HSCB: variants seen among roughly 807,000 people sequenced by gnomAD.
HSCB encodes the protein HscB mitochondrial iron-sulfur cluster cochaperone, also known as iron-sulfur cluster co-chaperone protein HscB.
HSCB carries 23 observed loss-of-function variants against 31.3 expected under a neutral mutation model. The observed-to-expected ratio is 0.74, with a 90% CI of 0.53 to 1.04. The LOEUF is 1.04. Ranked by LOEUF, HSCB falls within the 50% of genes least tolerant of loss-of-function variation. The probability of loss-of-function intolerance (pLI) is 0.00; values close to 1 mark genes in which losing one functional copy is unlikely to be tolerated. For synonymous variants in HSCB, 110 were observed against 104.5 expected, an observed-to-expected ratio of 1.05 and a Z score of -0.32; for missense variants, 297 against 288.1, an observed-to-expected ratio of 1.03 and a Z score of -0.22.
chr22:28,744,727 C>A (rs369887813), intron 3 of HSCB, 23 bp downstream of exon 3: 7 of 1,556,124 alleles, frequency 4.5e-6, no homozygotes, highest in Non-Finnish European at 4.4e-6. Context: ...CCCAACACTT[C>A]TGTGTATGAC....
At chr22:28,747,741 T>C (rs2029930382) in intron 4 of HSCB, among the ~76,000 whole-genome samples, 1 of 152,214 alleles carries the variant, frequency 6.6e-6, no homozygotes, top group African/African-American at 2.4e-5. Context: ...ATATTTGTAG[T>C]GTACCTACAA....
intron 5 of HSCB, among the ~76,000 whole-genome samples, 162 bp downstream of exon 5, chr22:28,751,450 T>A (rs537564594): frequency 1.1e-4 from 16 of 152,278 alleles, no homozygotes; most frequent in Non-Finnish European, 7.4e-5. Flanking sequence ...AAAAATGCCT[T>A]TAAGAATCTA....
At chr22:28,748,200 C>A (rs1053801677) in intron 4 of HSCB, among the ~76,000 whole-genome samples, 1 of 152,154 alleles carries the variant, frequency 6.6e-6, no homozygotes, top group African/African-American at 2.4e-5. Context: ...TAATAATAAT[C>A]TGTTCCTCTT....
chr22:28,749,563 T>A (rs1019130814), intron 4 of HSCB, among the ~76,000 whole-genome samples: 22 of 152,308 alleles, frequency 1.4e-4, no homozygotes, highest in African/African-American at 5.1e-4. Flanking sequence ...ACTTTTTGCT[T>A]CCCTCACATC....
At chr22:28,749,278 G>C (rs1019412862) in intron 4 of HSCB, among the ~76,000 whole-genome samples, 1 of 151,990 alleles carries the variant, frequency 6.6e-6, no homozygotes, top group African/African-American at 2.4e-5. Flanking sequence ...ACCACTTCCA[G>C]TTCCTCATCT....
chr22:28,742,077 T>C lies in HSCB; in HGVS notation c.-19T>C, dbSNP rs1004694145. ...GCTTTTCCCCACGAGTGACCACGGC[T>C]AGATAGGCCGCCGGCCAGATGTGGC... On this transcript the variant is annotated 5_prime_UTR_variant, in exon 1 of 6. Transcript: ENST00000216027. 2 of 1,597,622 alleles carry C rather than the reference T, an allele frequency of 1.3e-6. No individual in the cohort carries two copies. The highest frequency in any genetic ancestry group is 2.7e-5 in the African/African-American group (2 of 74,674).
intron 5 of HSCB, among the ~76,000 whole-genome samples, chr22:28,752,137 G>C (rs2030297225): frequency 6.6e-6 from 1 of 151,108 alleles, no homozygotes; most frequent in Non-Finnish European, 1.5e-5. Context: ...GCTATTCTCA[G>C]GCAAATAAAA....
intron 1 of HSCB, 85 bp downstream of exon 1, chr22:28,742,416 G>A: frequency 6.5e-7 from 1 of 1,546,156 alleles, no homozygotes; most frequent in Non-Finnish European, 8.8e-7. Context: ...GATCTGGCTG[G>A]CGGAAGAGAA....
chr22:28,755,930 G>T (rs1300622104), intron 5 of HSCB, among the ~76,000 whole-genome samples: 1 of 152,058 alleles, frequency 6.6e-6, no homozygotes, highest in East Asian at 1.9e-4. Flanking sequence ...TCCCCATGGG[G>T]GCAAAATCAT....
intron 1 of HSCB, 124 bp from the exon 2 acceptor site, chr22:28,743,758 C>G (rs1172331462): frequency 6.6e-6 from 5 of 757,348 alleles, no homozygotes; most frequent in Non-Finnish European, 1.1e-5. Context: ...ATAGGACTTA[C>G]CACTTTTTGA....
chr22:28,757,073 T>C lies in HSCB; in HGVS notation c.617-5T>C. On this transcript the variant is annotated splice_polypyrimidine_tract_variant and splice_region_variant and intron_variant, in intron 5 of 5. Coordinates refer to ENST00000216027, the MANE Select transcript of HSCB (RefSeq NM_172002.5). ...GCCTGACTTCAGTGTCTCTGTCTAT[T>C]TCAGATGACTTTGAAGAAGCCAAGG... 1 of 1,508,544 alleles carries C rather than the reference T, an allele frequency of 6.6e-7. No homozygotes were observed. The highest frequency in any genetic ancestry group is 9.2e-7 in the Non-Finnish European group (1 of 1,084,488). 93.4% of individuals were successfully genotyped at this position (1,508,544 alleles called of 1,614,324 possible). A position where few individuals can be genotyped will look rare whatever the true frequency, so the allele number is the denominator to read the frequency against.
rs756439603 is a variant in HSCB, at chr22:28,743,908, C to T, written c.263C>T (p.Ala88Val). The T allele has an allele frequency of 1.8e-5, 29 of 1,614,084 alleles. No homozygotes were observed. In the South Asian group the frequency reaches 2.7e-4, roughly 15 times the overall value. ...AACCGTTCCTTCAGAGTTGATACAG[C>T]GAAGCTCCAGCACAGGTACCAGCAA... Reference protein sequence around the residue: ...DCNRSFRVDTAKLQHRYQQLQ... With the variant: ...DCNRSFRVDTVKLQHRYQQLQ... Residue 88 changes from alanine (A) to valine (V), a missense_variant, in exon 2 of 6, where the codon GCG becomes GTG. Coordinates refer to ENST00000216027, the MANE Select transcript of HSCB (RefSeq NM_172002.5).
intron 4 of HSCB, 109 bp from the exon 5 acceptor site, chr22:28,751,132 C>G: frequency 1.5e-6 from 1 of 671,262 alleles, no homozygotes; most frequent in Non-Finnish European, 2.6e-6. Flanking sequence ...TGAATACAAA[C>G]TTCCTCCTTT....
chr22:28,748,703 G>A (rs182643064), intron 4 of HSCB, among the ~76,000 whole-genome samples: 1 of 151,906 alleles, frequency 6.6e-6, no homozygotes, highest in South Asian at 2.1e-4. Flanking sequence ...TTTAAGTAGT[G>A]ACGGGGTTTT....
intron 4 of HSCB, among the ~76,000 whole-genome samples, chr22:28,750,943 G>GTTTTTTTTTTTTTTTTTTTTTTTTTTT (rs1202821377): frequency 3.2e-5 from 2 of 62,046 alleles, no homozygotes; most frequent in East Asian, 1.1e-3. Context: ...GTATATCTTT[G>GTTTTTTTTTTTTTTTTTTTTTTTTTTT]TCTTTTTTTT....
chr22:28,743,000 G>A (rs1466555210), intron 1 of HSCB, among the ~76,000 whole-genome samples: 1 of 152,104 alleles, frequency 6.6e-6, no homozygotes, highest in Non-Finnish European at 1.5e-5. Context: ...AATAAACCGG[G>A]AGAGACAGGG....
intron 4 of HSCB, among the ~76,000 whole-genome samples, chr22:28,749,229 GCTT>G (rs1378514796): frequency 6.6e-6 from 1 of 151,480 alleles, no homozygotes; most frequent in Non-Finnish European, 1.5e-5. Context: ...CGTGGCCTCT[GCTT>G]CTCTCTGTTT....
Position 28,743,979 on chromosome 22 carries a change from G to T in HSCB, c.333+1G>T. 1 of 1,610,634 alleles carries T rather than the reference G, an allele frequency of 6.2e-7. No individual in the cohort carries two copies. Among genetic ancestry groups the T allele is most frequent in the Non-Finnish European group, 8.5e-7 (1 of 1,176,840 alleles). The stretch of plus-strand genomic sequence containing the variant: ...AGATTTCTTCAGCCAGAGGTCTCAG[G>T]TAGCTTATTGGCCAACCCCAATAAT... On this transcript the variant is annotated splice_donor_variant, in intron 2 of 5. Transcript: ENST00000216027. LOFTEE classifies it high-confidence loss of function.
intron 5 of HSCB, among the ~76,000 whole-genome samples, chr22:28,752,877 G>A (rs879276249): frequency 8.6e-5 from 13 of 151,628 alleles, no homozygotes; most frequent in East Asian, 7.9e-4. Flanking sequence ...TCAGGAGTTC[G>A]AGACCAGCCT....
Sources: gnomAD v4.1 joint callset for allele counts (sites outside exome capture counted in the v4.1 genomes callset) on GRCh38, gnomAD v4.1.1 for gene constraint, MANE v1.5 for transcripts, NCBI Gene and HGNC (gene_info 2026-07-23, HGNC 2026-07-21) for gene names.